E2F3: variants seen among roughly 807,000 people sequenced by gnomAD.
E2F3 encodes E2F transcription factor 3.
In E2F3, 11 loss-of-function variants were observed where a neutral mutation model predicts 44.4. The ratio of observed to expected loss-of-function variants is 0.25; its 90% confidence interval spans 0.16 to 0.41. The LOEUF (loss-of-function observed/expected upper bound fraction) is 0.41, where lower values mean the gene tolerates loss of function less well. Among genes scored for constraint, E2F3 ranks in the 10% least tolerant of loss-of-function variants. E2F3 has a pLI of 1.00. For missense variants in E2F3, 487 were observed against 583.6 expected (o/e 0.83, Z 1.70); for synonymous variants, 249 against 253.0 (o/e 0.98, Z 0.15).
intron 1 of E2F3, among the ~76,000 whole-genome samples, chr6:20,415,641 G>A (rs527488782): frequency 1.3e-5 from 2 of 152,260 alleles, no homozygotes; most frequent in African/African-American, 4.8e-5. Context: ...TCTATATATA[G>A]TACATATTTA....
Position 20,445,155 on chromosome 6 carries a change from C to T in E2F3, c.394-34691C>T, listed in dbSNP as rs528748705. On this transcript the variant is annotated intron_variant, in intron 1 of 6. Coordinates refer to ENST00000346618, the MANE Select transcript of E2F3 (RefSeq NM_001949.5). ...GTGTAAGAATCCCTAGTGGCAGCAG[C>T]GCCTTGTACTTAAAAATAGAATACT... 56 of 985,044 alleles carry T rather than the reference C, an allele frequency of 5.7e-5. No individual in the cohort carries two copies. In the African/African-American group the frequency reaches 9.1e-4, roughly 16 times the overall value. 61.0% of individuals were successfully genotyped at this position (985,044 alleles called of 1,614,324 possible).
chr6:20,424,548 A>G (rs1477443688), intron 1 of E2F3, among the ~76,000 whole-genome samples: 1 of 151,948 alleles, frequency 6.6e-6, no homozygotes, highest in Admixed American at 6.6e-5. Context: ...TAGCTTTGTG[A>G]TATGATTTGC....
chr6:20,481,891 C>T (rs906871425), intron 3 of E2F3, among the ~76,000 whole-genome samples: 4 of 152,128 alleles, frequency 2.6e-5, no homozygotes, highest in Admixed American at 1.3e-4. Flanking sequence ...AGCAGATTAA[C>T]TCACTTTCTG....
At chr6:20,413,319 G>A (rs2127586410) in intron 1 of E2F3, among the ~76,000 whole-genome samples, 1 of 152,276 alleles carries the variant, frequency 6.6e-6, no homozygotes, top group East Asian at 1.9e-4. Flanking sequence ...GAAACATTCT[G>A]GAAGCACGGC....
intron 1 of E2F3, among the ~76,000 whole-genome samples, chr6:20,458,655 C>T (rs1288792565): frequency 3.3e-5 from 5 of 152,188 alleles, no homozygotes; most frequent in Non-Finnish European, 7.3e-5. Context: ...GTCCTTTAAA[C>T]ATTAGGAGAT....
chr6:20,429,490 T>C (rs562266096), intron 1 of E2F3, among the ~76,000 whole-genome samples: 3 of 152,264 alleles, frequency 2.0e-5, no homozygotes, highest in African/African-American at 7.2e-5. Context: ...AAAAACAGTA[T>C]GTATAGGGTT....
intron 1 of E2F3, among the ~76,000 whole-genome samples, chr6:20,475,768 C>T (rs1762024450): frequency 1.3e-5 from 2 of 152,270 alleles, no homozygotes; most frequent in South Asian, 4.1e-4. Flanking sequence ...GCTGGGATTA[C>T]AGGCGTGAGC....
chr6:20,465,723 C>T (rs1761679734), intron 1 of E2F3, among the ~76,000 whole-genome samples: 1 of 152,162 alleles, frequency 6.6e-6, no homozygotes, highest in African/African-American at 2.4e-5. Flanking sequence ...TCCTGAGTTA[C>T]TTCACTTAGA....
Position 20,447,996 on chromosome 6 carries a change from G to A in E2F3, c.394-31850G>A, listed in dbSNP as rs76977032. Among the ~76,000 whole-genome samples the A allele has an allele frequency of 5.4e-3, 825 of 152,300 alleles. 6 individuals are homozygous for A. Among genetic ancestry groups the A allele is most frequent in the African/African-American group, 0.017 (715 of 41,570 alleles). On this transcript the variant is annotated intron_variant, in intron 1 of 6. Coordinates refer to ENST00000346618, the MANE Select transcript of E2F3 (RefSeq NM_001949.5). ...TAGAACATTGGTAATCCATCACATC[G>A]TCCTTAAACCTTTCTGCCCCACTTC... is the stretch of plus-strand genomic sequence containing the variant.
chr6:20,431,088 C>G (rs1258917623), intron 1 of E2F3, among the ~76,000 whole-genome samples: 2 of 152,188 alleles, frequency 1.3e-5, no homozygotes, highest in Non-Finnish European at 2.9e-5. Flanking sequence ...AACCAAAATT[C>G]TCACTTAAAA....
At chr6:20,411,746 A>G (rs1252383831) in intron 1 of E2F3, among the ~76,000 whole-genome samples, 1 of 152,154 alleles carries the variant, frequency 6.6e-6, no homozygotes, top group African/African-American at 2.4e-5. Flanking sequence ...GGGAAGGCGT[A>G]GGCACAGCCT....
chr6:20,441,725 ATTT>A (rs70990031), intron 1 of E2F3, among the ~76,000 whole-genome samples: 21 of 119,314 alleles, frequency 1.8e-4, no homozygotes, highest in Admixed American at 2.7e-4. Flanking sequence ...CGCGTGGGTA[ATTT>A]TTTTTTTTTT....
At chr6:20,482,179 C>T (rs1481095221) in intron 3 of E2F3, among the ~76,000 whole-genome samples, 5 of 151,954 alleles carry the variant, frequency 3.3e-5, no homozygotes, top group Non-Finnish European at 7.4e-5. Context: ...TTTGGTAACC[C>T]GTTTTGGCCT....
intron 1 of E2F3, among the ~76,000 whole-genome samples, chr6:20,470,888 G>A (rs541944129): frequency 6.6e-6 from 1 of 152,180 alleles, no homozygotes; most frequent in Admixed American, 6.5e-5. Context: ...TTTTGAACCC[G>A]TACATATTGA....
Position 20,402,085 on chromosome 6 carries a change from A to C in E2F3, c.-148A>C. ...CCCGGGGCCTGTGCGGTGCGGAAAA[A>C]TAAAAAGAAAAGAGAGAGAGGGGGC... On this transcript the variant is annotated 5_prime_UTR_variant, in exon 1 of 7. Transcript: ENST00000346618. The surrounding 1 kb of genome is among the most constrained non-coding windows in gnomAD (Gnocchi z 5.6). The C allele has an allele frequency of 7.4e-7, 1 of 1,355,548 alleles. No homozygotes were observed. Among genetic ancestry groups the C allele is most frequent in the Non-Finnish European group, 9.6e-7 (1 of 1,045,112 alleles). 84.0% of individuals were successfully genotyped at this position (1,355,548 alleles called of 1,614,324 possible).
chr6:20,454,981 A>G (rs1055001182), intron 1 of E2F3, among the ~76,000 whole-genome samples: 12 of 152,322 alleles, frequency 7.9e-5, no homozygotes, highest in East Asian at 3.9e-4. Context: ...CCCAGGGATC[A>G]GGATTTTTTT....
At chr6:20,482,385 C>A (rs1356673718) in intron 3 of E2F3, among the ~76,000 whole-genome samples, 1 of 125,718 alleles carries the variant, frequency 8.0e-6, no homozygotes, top group African/African-American at 3.0e-5. Flanking sequence ...TCTTCTCTGT[C>A]TTTCTCTATC....
intron 1 of E2F3, among the ~76,000 whole-genome samples, chr6:20,424,210 GGTGT>G (rs57286350): frequency 0.041 from 5,672 of 136,934 alleles, 154 homozygotes; most frequent in African/African-American, 0.08. Flanking sequence ...TCAGTGGAAG[GGTGT>G]GTGTGTGTGT....
In E2F3 at chr6:20,491,381, T is replaced by G. The variant is rs566758940; in HGVS notation, c.*951T>G. 2 of 227,292 alleles carry G rather than the reference T, an allele frequency of 8.8e-6. No individual in the cohort carries two copies. The highest frequency in any genetic ancestry group is 1.8e-5 in the Non-Finnish European group (2 of 113,986). 14.1% of individuals were successfully genotyped at this position (227,292 alleles called of 1,614,324 possible). A position where few individuals can be genotyped will look rare whatever the true frequency, so the allele number is the denominator to read the frequency against. On this transcript the variant is annotated 3_prime_UTR_variant, in exon 7 of 7. Transcript: ENST00000346618. The stretch of plus-strand genomic sequence containing the variant: ...CTCTACTGATCAGAGCATCTAAACC[T>G]GTGTGATCTAAGGTTTATCAGCCTC...
Sources: gnomAD v4.1 joint callset for allele counts (sites outside exome capture counted in the v4.1 genomes callset) on GRCh38, gnomAD v4.1.1 for gene constraint, Gnocchi (gnomAD v3.1) non-coding constraint, MANE v1.5 for transcripts, NCBI Gene and HGNC (gene_info 2026-07-23, HGNC 2026-07-21) for gene names.